Variants in XKR9 observed in about 807,000 individuals in gnomAD.
The protein encoded by XKR9 is XK-related protein 9.
In XKR9, 32 loss-of-function variants were observed where a neutral mutation model predicts 32.0. The ratio of observed to expected loss-of-function variants is 1.00; its 90% CI spans 0.76 to 1.34. The LOEUF (loss-of-function observed/expected upper bound fraction) is 1.34, where lower values mean the gene tolerates loss of function less well. XKR9 is among the 40% of genes most tolerant of loss of function. XKR9 has a pLI of 0.00. For missense variants in XKR9, 546 were observed against 429.7 expected (o/e 1.27, Z -2.39); for synonymous variants, 168 against 143.4 (o/e 1.17, Z -1.22).
intron 2 of XKR9, among the ~76,000 whole-genome samples, chr8:70,787,397 C>A (rs1429257360): frequency 6.6e-6 from 1 of 152,072 alleles, no homozygotes; most frequent in Non-Finnish European, 1.5e-5. Context: ...GAATTATTTG[C>A]TGTAAATCTT....
chr8:70,815,059 G>C, the XKR9 span, among the ~76,000 whole-genome samples: 1 of 152,014 alleles, frequency 6.6e-6, no homozygotes, highest in African/African-American at 2.4e-5. Flanking sequence ...ATAAGGACAA[G>C]TGTAAAGCAC....
At chr8:70,809,100 C>T in the XKR9 span, among the ~76,000 whole-genome samples, 1 of 152,176 alleles carries the variant, frequency 6.6e-6, no homozygotes, top group South Asian at 2.1e-4. Flanking sequence ...GACAAAACTT[C>T]CAGGGGAACG....
the XKR9 span, among the ~76,000 whole-genome samples, chr8:71,037,395 C>A: frequency 6.6e-6 from 1 of 152,096 alleles, no homozygotes; most frequent in African/African-American, 2.4e-5. Flanking sequence ...AAAGCAGAAG[C>A]AAACTAGTAG....
At chr8:70,949,503 T>C in the XKR9 span, among the ~76,000 whole-genome samples, 9 of 152,024 alleles carry the variant, frequency 5.9e-5, no homozygotes, top group Non-Finnish European at 1.3e-4. Flanking sequence ...ATTAAATCTT[T>C]CAGATTTATA....
intron 2 of XKR9, among the ~76,000 whole-genome samples, chr8:70,769,275 TC>T (rs1418155124): frequency 6.6e-6 from 1 of 152,000 alleles, no homozygotes; most frequent in African/African-American, 2.4e-5. Context: ...CCCACTGTCT[TC>T]TGGCTTGTAG....
chr8:71,065,684 G>T, the XKR9 span, among the ~76,000 whole-genome samples: 1 of 152,206 alleles, frequency 6.6e-6, no homozygotes, highest in Admixed American at 6.5e-5. Flanking sequence ...TGATGGTATT[G>T]AGCTTCTAAT....
At chr8:70,982,872 AT>A in the XKR9 span, among the ~76,000 whole-genome samples, 1 of 152,114 alleles carries the variant, frequency 6.6e-6, no homozygotes, top group East Asian at 1.9e-4. Context: ...TTTTGAGAAC[AT>A]TTTCTAAGTG....
chr8:70,959,007 T>C, the XKR9 span, among the ~76,000 whole-genome samples: 2 of 152,240 alleles, frequency 1.3e-5, no homozygotes, highest in East Asian at 1.9e-4. Flanking sequence ...TTTAATTACA[T>C]TTTACTTTCT....
At chr8:71,011,437 G>GCA in the XKR9 span, among the ~76,000 whole-genome samples, 1 of 152,194 alleles carries the variant, frequency 6.6e-6, no homozygotes, top group African/African-American at 2.4e-5. Context: ...TTAGTGCTGA[G>GCA]CACAGAGACT....
intron 3 of XKR9, among the ~76,000 whole-genome samples, chr8:70,681,881 C>T (rs867602075): frequency 6.6e-6 from 1 of 152,054 alleles, no homozygotes; most frequent in Middle Eastern, 3.4e-3. Context: ...TATGACCTCT[C>T]CATTATTACT....
At chr8:70,997,545 TA>T in the XKR9 span, among the ~76,000 whole-genome samples, 7,927 of 151,850 alleles carry the variant, frequency 0.052, 305 homozygotes, top group Non-Finnish European at 0.087. Flanking sequence ...TTCTCACTCA[TA>T]AGTGAGAGCT....
chr8:70,878,595 G>A, the XKR9 span, among the ~76,000 whole-genome samples: 5 of 152,150 alleles, frequency 3.3e-5, no homozygotes, highest in Non-Finnish European at 7.3e-5. Context: ...AATTCAACAA[G>A]AAGAGCTAAC....
At chr8:70,898,443 A>G in the XKR9 span, among the ~76,000 whole-genome samples, 1 of 152,002 alleles carries the variant, frequency 6.6e-6, no homozygotes, top group Non-Finnish European at 1.5e-5. Context: ...GATTTTTTCT[A>G]TTTCTGTGAC....
chr8:70,739,176 G>C (rs1806918744), downstream of XKR9, among the ~76,000 whole-genome samples: 1 of 152,052 alleles, frequency 6.6e-6, no homozygotes, highest in Non-Finnish European at 1.5e-5. Flanking sequence ...TATATATTTA[G>C]GATAGTGAGC....
chr8:70,692,101 A>G (rs1805094359), intron 3 of XKR9, among the ~76,000 whole-genome samples: 1 of 151,978 alleles, frequency 6.6e-6, no homozygotes. Flanking sequence ...GTGTTTTGTC[A>G]TTCTCACTGT....
the XKR9 span, among the ~76,000 whole-genome samples, chr8:70,965,713 C>T: frequency 6.6e-6 from 1 of 152,180 alleles, no homozygotes; most frequent in Non-Finnish European, 1.5e-5. Flanking sequence ...TTATCTATTT[C>T]TTCTAGGTTT....
chr8:70,792,110 G>C (rs1807771541), downstream of XKR9, among the ~76,000 whole-genome samples: 1 of 152,038 alleles, frequency 6.6e-6, no homozygotes, highest in Non-Finnish European at 1.5e-5. Context: ...TTGCAATTTA[G>C]AGATAAAGGA....
chr8:71,011,329 T>G, the XKR9 span, among the ~76,000 whole-genome samples: 1 of 152,236 alleles, frequency 6.6e-6, no homozygotes. Context: ...ATTCCATGGT[T>G]GTCCACAGGC....
At chr8:70,959,606 A>C in the XKR9 span, among the ~76,000 whole-genome samples, 1 of 152,194 alleles carries the variant, frequency 6.6e-6, no homozygotes, top group East Asian at 1.9e-4. Context: ...TGACTTATGC[A>C]TTTTAGCTGA....
Sources: gnomAD v4.1 joint callset for allele counts (sites outside exome capture counted in the v4.1 genomes callset) on GRCh38, gnomAD v4.1.1 for gene constraint, MANE v1.5 for transcripts, NCBI Gene and HGNC (gene_info 2026-07-23, HGNC 2026-07-21) for gene names.